Variants in SMYD2 observed in about 807,000 individuals in gnomAD.
SMYD2 encodes SET and MYND domain containing 2.
Under a neutral mutation model 59.1 loss-of-function variants are expected in SMYD2, and 53 were observed. The observed-to-expected ratio is 0.90, with a 90% CI of 0.72 to 1.13. The LOEUF (loss-of-function observed/expected upper bound fraction) is 1.13, where lower values mean the gene tolerates loss of function less well. Among genes scored for constraint, SMYD2 ranks in the 50% most tolerant of loss-of-function variants. The pLI, the probability that SMYD2 is intolerant of heterozygous loss-of-function variation, is 0.00. For synonymous variants in SMYD2, 208 were observed against 198.8 expected, an observed-to-expected ratio of 1.05 and a Z score of -0.39; for missense variants, 494 against 544.7, an observed-to-expected ratio of 0.91 and a Z score of 0.93.
intron 1 of SMYD2, among the ~76,000 whole-genome samples, chr1:214,283,572 A>G (rs906372267): frequency 6.6e-6 from 1 of 152,196 alleles, no homozygotes; most frequent in African/African-American, 2.4e-5. Flanking sequence ...TGAATCATTT[A>G]CTATTAGTGG....
intron 11 of SMYD2, among the ~76,000 whole-genome samples, chr1:214,336,063 T>TA (rs1657430495): frequency 1.3e-5 from 2 of 152,078 alleles, no homozygotes; most frequent in Non-Finnish European, 2.9e-5. Context: ...TTGAACATAA[T>TA]CAAAAAAATT....
chr1:214,309,545 T>G (rs2133175), intron 2 of SMYD2, among the ~76,000 whole-genome samples: 7 of 151,990 alleles, frequency 4.6e-5, no homozygotes, highest in African/African-American at 1.7e-4. Flanking sequence ...GCTTTGAAAG[T>G]AGGAAGGGAT....
chr1:214,323,765 G>A (rs561978379), intron 5 of SMYD2, among the ~76,000 whole-genome samples: 1 of 152,174 alleles, frequency 6.6e-6, no homozygotes, highest in East Asian at 1.9e-4. Context: ...AGGGTGAGAA[G>A]GTGGCCTGTA....
chr1:214,283,181 C>G (rs1656476209), intron 1 of SMYD2, among the ~76,000 whole-genome samples: 1 of 152,234 alleles, frequency 6.6e-6, no homozygotes, highest in South Asian at 2.1e-4. Context: ...ATTGTATCTA[C>G]TACGCATACC....
intron 1 of SMYD2, among the ~76,000 whole-genome samples, chr1:214,286,403 G>C (rs1656546211): frequency 6.6e-6 from 1 of 152,170 alleles, no homozygotes; most frequent in South Asian, 2.1e-4. Flanking sequence ...TGAGTCAGGA[G>C]GTTGATGCTG....
At chr1:214,293,343 C>T (rs945903608) in intron 1 of SMYD2, among the ~76,000 whole-genome samples, 101 of 152,214 alleles carry the variant, frequency 6.6e-4, no homozygotes, top group African/African-American at 2.3e-3. Flanking sequence ...CATGAGCCAC[C>T]GCACCCGGTC....
intron 1 of SMYD2, among the ~76,000 whole-genome samples, chr1:214,283,900 T>A (rs1487759057): frequency 6.6e-6 from 1 of 152,182 alleles, no homozygotes; most frequent in African/African-American, 2.4e-5. Context: ...TAACTTTTTT[T>A]GAAGAAAAGA....
chr1:214,317,309 TA>T (rs1657102280), intron 3 of SMYD2, among the ~76,000 whole-genome samples: 1 of 152,176 alleles, frequency 6.6e-6, no homozygotes, highest in Admixed American at 6.5e-5. Context: ...ACTTGATGAT[TA>T]AAAAAACAGA....
At chr1:214,289,671 A>T (rs116192985) in intron 1 of SMYD2, among the ~76,000 whole-genome samples, 1,567 of 152,312 alleles carry the variant, frequency 0.01, 14 homozygotes, top group African/African-American at 0.035. Flanking sequence ...TCACTAGGGA[A>T]CTAGACACAC....
At position 214,297,041 on chromosome 1, in the gene SMYD2, T is replaced by TG. The variant is rs569437909; in HGVS notation, c.174-8145dup. On this transcript the variant is annotated intron_variant, in intron 1 of 11. Transcript: ENST00000366957. Reference sequence around the variant, plus strand: ...TCAGAAAAATCTAAACAATCTGCCTTGCAGAGTGCTTCAACTGTATACAGC... The same window carrying TG: ...TCAGAAAAATCTAAACAATCTGCCTTGGCAGAGTGCTTCAACTGTATACAGC... Among the ~76,000 whole-genome samples, 28 of 152,370 alleles carry TG rather than the reference T, an allele frequency of 1.8e-4. No homozygotes were observed. In the South Asian group the frequency reaches 3.3e-3, roughly 18 times the overall value.
intron 2 of SMYD2, among the ~76,000 whole-genome samples, chr1:214,309,294 GTAACC>G (rs1656962729): frequency 6.6e-6 from 1 of 152,154 alleles, no homozygotes; most frequent in South Asian, 2.1e-4. Context: ...GCGTTATTTT[GTAACC>G]TGTGTGTTTT....
At chr1:214,305,312 C>A in intron 2 of SMYD2, 62 bp downstream of exon 2, 2 of 1,461,984 alleles carry the variant, frequency 1.4e-6, no homozygotes, top group South Asian at 1.1e-5. Flanking sequence ...TCTTCCTTGT[C>A]ATGGCATTCC....
intron 10 of SMYD2, 61 bp downstream of exon 10, chr1:214,332,253 C>T (rs1874804): frequency 0.26 from 403,646 of 1,569,666 alleles, 53,396 homozygotes; most frequent in East Asian, 0.46. Context: ...AGAATGTATA[C>T]GATAGTGTCA....
At chr1:214,307,288 AGAT>A (rs1656930564) in intron 2 of SMYD2, among the ~76,000 whole-genome samples, 1 of 152,280 alleles carries the variant, frequency 6.6e-6, no homozygotes, top group South Asian at 2.1e-4. Context: ...ATGATGTGAT[AGAT>A]ATTAAAGTTT....
At chr1:214,332,419 A>G (rs1657371445) in intron 10 of SMYD2, 4 of 508,682 alleles carry the variant, frequency 7.9e-6, no homozygotes, top group Non-Finnish European at 1.4e-5. Context: ...TACTGGGGCA[A>G]GATCCCTCCC....
Position 214,336,733 on chromosome 1 carries a change from C to T in SMYD2, c.1251C>T (p.Gly417=), listed in dbSNP as rs1558060076. 1 of 1,613,732 alleles carries T rather than the reference C, an allele frequency of 6.2e-7. No individual in the cohort carries two copies. The change falls in exon 12 of 12, where the codon GGC becomes GGT. Residue 417 remains glycine, a synonymous_variant. Coordinates refer to ENST00000366957, the MANE Select transcript of SMYD2 (RefSeq NM_020197.3). The part of the protein sequence containing the change: ...KAIAIMEVAH[G]KDHPYISEIK... ...TTGCAATCATGGAAGTAGCTCACGG[C>T]AAAGATCATCCATATATTTCTGAGA...
At chr1:214,286,440 C>G (rs1656546990) in intron 1 of SMYD2, among the ~76,000 whole-genome samples, 1 of 151,916 alleles carries the variant, frequency 6.6e-6, no homozygotes, top group Non-Finnish European at 1.5e-5. Flanking sequence ...TTACTCCAGC[C>G]TGGAAGACAA....
chr1:214,303,394 CA>C (rs1656857616), intron 1 of SMYD2, among the ~76,000 whole-genome samples: 1 of 152,100 alleles, frequency 6.6e-6, no homozygotes, highest in Non-Finnish European at 1.5e-5. Flanking sequence ...AGGGTCTGTC[CA>C]TCTTGTTTCT....
At chr1:214,297,658 C>T (rs1656756224) in intron 1 of SMYD2, among the ~76,000 whole-genome samples, 1 of 152,150 alleles carries the variant, frequency 6.6e-6, no homozygotes. Context: ...TTAAATCTCT[C>T]GCTAGCTCTG....
Sources: allele counts gnomAD v4.1 joint callset (sites outside exome capture counted in the v4.1 genomes callset), GRCh38; gene constraint gnomAD v4.1.1; transcripts MANE v1.5; gene names NCBI Gene and HGNC (gene_info 2026-07-23, HGNC 2026-07-21).